Variants in TGFB3 observed in about 807,000 individuals in gnomAD.
TGFB3 encodes the protein transforming growth factor beta-3 proprotein.
A neutral mutation model predicts 40.1 loss-of-function variants in TGFB3; 5 were observed. The ratio of observed to expected loss-of-function variants is 0.12; its 90% CI spans 0.07 to 0.26. The LOEUF is 0.26. Ranked by LOEUF, TGFB3 falls within the 10% of genes least tolerant of loss-of-function variation. The probability of loss-of-function intolerance (pLI) is 1.00; values close to 1 mark genes in which losing one functional copy is unlikely to be tolerated. For synonymous variants in TGFB3, 184 were observed against 205.6 expected (o/e 0.89, Z 0.90); for missense variants, 373 against 530.1 (o/e 0.70, Z 2.91).
chr14:75,971,905 G>C lies in TGFB3; in HGVS notation c.353-187C>G, dbSNP rs988088687. On this transcript the variant is annotated intron_variant, in intron 1 of 6. Transcript: ENST00000238682. The surrounding 1 kb of genome is among the most constrained non-coding windows in gnomAD (Gnocchi z 4.5). ...GCCCTAGAATCACACACAGTCCTGA[G>C]CAAGGAGCAGTGTGGCCTCAGAGCT... Among the ~76,000 whole-genome samples, 1 of 152,224 alleles carries C rather than the reference G, an allele frequency of 6.6e-6. No homozygotes were observed. The highest frequency in any genetic ancestry group is 6.5e-5 in the Admixed American group (1 of 15,278).
intron 6 of TGFB3, among the ~76,000 whole-genome samples, chr14:75,960,105 G>A (rs1235985089): frequency 6.6e-6 from 1 of 151,918 alleles, no homozygotes; most frequent in East Asian, 1.9e-4. Context: ...ACCACACCCG[G>A]CTAATTTTTT....
chr14:75,975,541 C>T (rs1047949665), intron 1 of TGFB3, among the ~76,000 whole-genome samples: 7 of 152,098 alleles, frequency 4.6e-5, no homozygotes, highest in Non-Finnish European at 8.8e-5. Flanking sequence ...CTTGTTTTGT[C>T]GAGTTTTTAT....
rs1022652138 is a variant in TGFB3, at chr14:75,959,095, C to G, written c.*92G>C. On this transcript the variant is annotated 3_prime_UTR_variant, in exon 7 of 7. Transcript: ENST00000238682. Reference sequence around the variant, plus strand: ...GCCGAAGGTTGTGGGCTCCAGGCCTCTCAGTGAGGTTTGTTGCTTGTGTGT... The same window carrying G: ...GCCGAAGGTTGTGGGCTCCAGGCCTGTCAGTGAGGTTTGTTGCTTGTGTGT... 8 of 1,558,142 alleles carry G rather than the reference C, an allele frequency of 5.1e-6. No homozygotes were observed. The highest frequency in any genetic ancestry group is 7.1e-6 in the Non-Finnish European group (8 of 1,130,896).
intron 3 of TGFB3, among the ~76,000 whole-genome samples, chr14:75,968,187 G>A (rs1294042840): frequency 1.3e-5 from 2 of 151,708 alleles, no homozygotes; most frequent in Non-Finnish European, 2.9e-5. Context: ...AAGACCACAT[G>A]TGTGACTCAG....
At chr14:75,960,885 A>T in intron 6 of TGFB3, 38 bp downstream of exon 6, 2 of 1,613,934 alleles carry the variant, frequency 1.2e-6, no homozygotes, top group Non-Finnish European at 1.7e-6. Context: ...CTGGTCGGTC[A>T]GCCCCAGTGC....
At chr14:75,982,368 G>A (rs1348858933), upstream of TGFB3, among the ~76,000 whole-genome samples, 1 of 152,152 alleles carries the variant, frequency 6.6e-6, no homozygotes, top group African/African-American at 2.4e-5. The surrounding 1 kb of genome is among the most constrained non-coding windows in gnomAD (Gnocchi z 4.0). Context: ...GGCCGCCCGC[G>A]GGCCAGGCCC....
At chr14:75,962,527 C>T (rs1203993609) in intron 5 of TGFB3, among the ~76,000 whole-genome samples, 3 of 152,190 alleles carry the variant, frequency 2.0e-5, no homozygotes, top group Non-Finnish European at 4.4e-5. Context: ...CTCACTCATG[C>T]TCCTTCCTTT....
At position 75,980,948 on chromosome 14, in the gene TGFB3, C is replaced by G; in HGVS notation, c.-55G>C. On this transcript the variant is annotated 5_prime_UTR_variant, in exon 1 of 7. Coordinates refer to ENST00000238682, the MANE Select transcript of TGFB3 (RefSeq NM_003239.5). The surrounding 1 kb of genome is among the most constrained non-coding windows in gnomAD (Gnocchi z 4.3). ...CGGCAAGGCCTGGAGAGGAAGAGAC[C>G]CCAGCAGACGTGCAGAAGGAGGGAG... The G allele has an allele frequency of 4.5e-6, 7 of 1,538,596 alleles. No homozygotes were observed. In the South Asian group the frequency reaches 7.8e-5, roughly 17 times the overall value.
intron 6 of TGFB3, among the ~76,000 whole-genome samples, chr14:75,959,975 C>G (rs192012806): frequency 8.8e-6 from 1 of 113,882 alleles, no homozygotes; most frequent in African/African-American, 3.3e-5. Flanking sequence ...CAGAGTCTCA[C>G]TCTTTCACCC....
intron 1 of TGFB3, among the ~76,000 whole-genome samples, chr14:75,975,755 A>C (rs1343275758): frequency 2.6e-5 from 4 of 152,164 alleles, no homozygotes; most frequent in African/African-American, 7.2e-5. Context: ...GCTGGGAGGG[A>C]TCTGGGAGAT....
At chr14:75,973,221 C>A (rs2035314618) in intron 1 of TGFB3, among the ~76,000 whole-genome samples, 1 of 152,194 alleles carries the variant, frequency 6.6e-6, no homozygotes, top group Admixed American at 6.5e-5. Context: ...AGCTTATAAT[C>A]ACCCCGAGGG....
chr14:75,981,044 G>T lies in TGFB3; in HGVS notation c.-151C>A, dbSNP rs1244859294. 2 of 722,664 alleles carry T rather than the reference G, an allele frequency of 2.8e-6. No homozygotes were observed. The highest frequency in any genetic ancestry group is 2.7e-5 in the East Asian group (1 of 37,418). The allele number at this position is 722,664 out of a possible 1,614,324, so 44.8% of individuals were successfully genotyped here. ...AGAAGGTGCATGAACTCACTGCACT[G>T]CGAGAGCTTCAGGACTTCCAGGAAG... On this transcript the variant is annotated 5_prime_UTR_variant, in exon 1 of 7. Transcript: ENST00000238682. The surrounding 1 kb of genome is among the most constrained non-coding windows in gnomAD (Gnocchi z 4.7).
chr14:75,981,562 A>T lies in TGFB3; in HGVS notation c.-669T>A, dbSNP rs2035434354. The T allele has an allele frequency of 6.4e-6, 1 of 156,420 alleles. No homozygotes were observed. Among genetic ancestry groups the T allele is most frequent in the African/African-American group, 2.4e-5 (1 of 41,440 alleles). 9.7% of individuals were successfully genotyped at this position (156,420 alleles called of 1,614,324 possible). On this transcript the variant is annotated 5_prime_UTR_variant, in exon 1 of 7. Transcript: ENST00000238682. The surrounding 1 kb of genome is among the most constrained non-coding windows in gnomAD (Gnocchi z 4.7). ...CATTCATGCTTTCTCTTTTGTTTAC[A>T]CTTCCTCGGGGGCTTTCTAAATGAC...
rs1022956772 is a variant in TGFB3, at chr14:75,978,452, G to A, written c.352+2090C>T. 3.3e-5 allele frequency among the ~76,000 whole-genome samples: 5 copies of A among 152,214 alleles called. No homozygotes were observed. The highest frequency in any genetic ancestry group is 7.2e-5 in the African/African-American group (3 of 41,446). On this transcript the variant is annotated intron_variant, in intron 1 of 6. Coordinates refer to ENST00000238682, the MANE Select transcript of TGFB3 (RefSeq NM_003239.5). This position sits in a 1 kb window ranked among gnomAD's most constrained non-coding sequence, Gnocchi z 5.0. ...CCAGCTGCAGGGCGGGCCCAGGTCC[G>A]TCTGCTCAGCCTCCAAGTCACCTCC...
rs1054470418 is a variant in TGFB3, at chr14:75,958,546, C to T, written c.*641G>A. The T allele has an allele frequency of 6.3e-6, 1 of 158,874 alleles. No homozygotes were observed. Among genetic ancestry groups the T allele is most frequent in the Non-Finnish European group, 1.4e-5 (1 of 71,926 alleles). 9.8% of individuals were successfully genotyped at this position (158,874 alleles called of 1,614,324 possible). A position where few individuals can be genotyped will look rare whatever the true frequency, so the allele number is the denominator to read the frequency against. ...TTCAGCATATCCAAAAGGCCCAATA[C>T]AGTTGATGGGCCAGGAACTGCATGA... On this transcript the variant is annotated 3_prime_UTR_variant, in exon 7 of 7. Coordinates refer to ENST00000238682, the MANE Select transcript of TGFB3 (RefSeq NM_003239.5).
chr14:75,973,899 C>T (rs1340756939), intron 1 of TGFB3, among the ~76,000 whole-genome samples: 1 of 151,990 alleles, frequency 6.6e-6, no homozygotes, highest in South Asian at 2.1e-4. Flanking sequence ...CCCAGCACTT[C>T]GGGAAGCCGA....
Position 75,978,217 on chromosome 14 carries a change from C to T in TGFB3, c.352+2325G>A, listed in dbSNP as rs555099153. On this transcript the variant is annotated intron_variant, in intron 1 of 6. Transcript: ENST00000238682. This position sits in a 1 kb window ranked among gnomAD's most constrained non-coding sequence, Gnocchi z 5.0. ...CATGACCTCCCAGCAGAGGCTCTGG[C>T]ATTGAGACCCTGCTGTGCCCCACCA... Among the ~76,000 whole-genome samples, 10 of 152,240 alleles carry T rather than the reference C, an allele frequency of 6.6e-5. No individual in the cohort carries two copies. In the South Asian group the frequency reaches 2.1e-3, roughly 32 times the overall value.
chr14:75,959,173 T>C lies in TGFB3; in HGVS notation c.*14A>G. 1 of 1,614,124 alleles carries C rather than the reference T, an allele frequency of 6.2e-7. No individual in the cohort carries two copies. The stretch of plus-strand genomic sequence containing the variant: ...GGTGGTTCTCTCTCCCCTCTCTCTG[T>C]CGCACGTGGGGTCTCAGCTACATTT... On this transcript the variant is annotated 3_prime_UTR_variant, in exon 7 of 7. Coordinates refer to ENST00000238682, the MANE Select transcript of TGFB3 (RefSeq NM_003239.5).
At chr14:75,962,204 T>C (rs531864658) in intron 5 of TGFB3, among the ~76,000 whole-genome samples, 28 of 152,176 alleles carry the variant, frequency 1.8e-4, no homozygotes, top group Non-Finnish European at 3.4e-4. Flanking sequence ...ACAGGCCTCT[T>C]GTGAACAAGA....
Sources: allele counts gnomAD v4.1 joint callset (sites outside exome capture counted in the v4.1 genomes callset), GRCh38; gene constraint gnomAD v4.1.1; non-coding constraint Gnocchi (gnomAD v3.1); transcripts MANE v1.5; gene names NCBI Gene and HGNC (gene_info 2026-07-23, HGNC 2026-07-21).